Variants in PCDH15 observed in about 807,000 individuals in gnomAD.
PCDH15 encodes protocadherin-15.
Under a neutral mutation model 178.5 loss-of-function variants are expected in PCDH15, and 129 were observed. The observed-to-expected ratio is 0.72, with a 90% confidence interval of 0.63 to 0.84. PCDH15 has a LOEUF of 0.84. PCDH15 is among the 40% of genes least tolerant of loss of function. The pLI is 0.00. For synonymous variants in PCDH15, 800 were observed against 732.0 expected (o/e 1.09, Z -1.50); for missense variants, 2,230 against 2,099.9 (o/e 1.06, Z -1.21).
At chr10:54,491,539 A>C (rs2079594543) in intron 3 of PCDH15, among the ~76,000 whole-genome samples, 2 of 152,150 alleles carry the variant, frequency 1.3e-5, no homozygotes, top group African/African-American at 4.8e-5. Context: ...ATAAGTTCTT[A>C]AGAGGTTAAG....
At chr10:53,968,008 T>C (rs1387447799) in intron 21 of PCDH15, among the ~76,000 whole-genome samples, 1 of 152,120 alleles carries the variant, frequency 6.6e-6, no homozygotes, top group Admixed American at 6.5e-5. Flanking sequence ...TTCATCTCAC[T>C]GGGGCTTGTT....
chr10:54,856,963 T>G (rs886781849), intron 3 of PCDH15, among the ~76,000 whole-genome samples: 2 of 152,294 alleles, frequency 1.3e-5, no homozygotes, highest in South Asian at 4.1e-4. Flanking sequence ...TGTTTTTGTT[T>G]TTTTTACAGT....
Position 55,515,228 on chromosome 10 carries a change from A to G in PCDH15, c.-156+112397T>C, listed in dbSNP as rs192065580. Among the ~76,000 whole-genome samples the G allele has an allele frequency of 2.0e-3, 298 of 152,004 alleles. 1 individual carries two copies. The highest frequency in any genetic ancestry group is 8.0e-3 in the Admixed American group (122 of 15,236). On this transcript the variant is annotated intron_variant, in intron 2 of 5. Transcript: ENST00000613346. ...GGTCTCAAACTCCTGACCTCAAGTG[A>G]TCTGCCTTCCAAAGTGCTAGGATTA...
chr10:53,991,929 G>A (rs1564948649), intron 21 of PCDH15, among the ~76,000 whole-genome samples: 1 of 152,046 alleles, frequency 6.6e-6, no homozygotes, highest in Non-Finnish European at 1.5e-5. Context: ...ATAAAAGCAG[G>A]CTGCCCAAGC....
At chr10:54,264,339 C>T (rs1357056122) in intron 8 of PCDH15, among the ~76,000 whole-genome samples, 1 of 152,124 alleles carries the variant, frequency 6.6e-6, no homozygotes, top group African/African-American at 2.4e-5. Context: ...AGCACAAGAA[C>T]TCTGGCAATA....
intron 9 of PCDH15, among the ~76,000 whole-genome samples, chr10:54,217,120 G>C (rs1362625057): frequency 6.6e-6 from 1 of 152,094 alleles, no homozygotes. Context: ...GGAACACGTG[G>C]AGAGGATAAA....
chr10:54,113,573 C>A (rs2095061767), intron 15 of PCDH15, among the ~76,000 whole-genome samples: 1 of 151,782 alleles, frequency 6.6e-6, no homozygotes, highest in Admixed American at 6.6e-5. Flanking sequence ...CCATAACAGT[C>A]TTTTAAATAA....
At chr10:54,345,354 G>A (rs917171685) in intron 6 of PCDH15, among the ~76,000 whole-genome samples, 5 of 151,880 alleles carry the variant, frequency 3.3e-5, no homozygotes, top group Admixed American at 3.3e-4. Flanking sequence ...TAAAAATAAG[G>A]GCAAAATGTT....
intron 2 of PCDH15, among the ~76,000 whole-genome samples, chr10:54,636,726 A>T (rs1224576402): frequency 6.6e-6 from 1 of 152,002 alleles, no homozygotes; most frequent in Non-Finnish European, 1.5e-5. Flanking sequence ...TTCTAGAGCT[A>T]ATGACTGATA....
At chr10:55,616,881 T>G (rs1405389847) in intron 2 of PCDH15, among the ~76,000 whole-genome samples, 2 of 152,120 alleles carry the variant, frequency 1.3e-5, no homozygotes, top group Non-Finnish European at 2.9e-5. Flanking sequence ...CCTATTAAAG[T>G]GTTATTTAAT....
chr10:54,776,804 A>T (rs919274616), intron 1 of PCDH15, among the ~76,000 whole-genome samples: 3 of 152,156 alleles, frequency 2.0e-5, no homozygotes, highest in African/African-American at 7.2e-5. Context: ...TGATGGGAGT[A>T]TGTGACGTCA....
At chr10:54,530,950 T>C (rs2083847649) in intron 2 of PCDH15, among the ~76,000 whole-genome samples, 1 of 152,208 alleles carries the variant, frequency 6.6e-6, no homozygotes, top group Non-Finnish European at 1.5e-5. Context: ...CACAAAAGCA[T>C]TTTTAATAAG....
intron 26 of PCDH15, among the ~76,000 whole-genome samples, chr10:53,900,887 T>C (rs77689060): frequency 0.017 from 2,593 of 152,270 alleles, 33 homozygotes; most frequent in Non-Finnish European, 0.026. Context: ...TCTCCTTTAT[T>C]AATGGACTAG....
intron 5 of PCDH15, among the ~76,000 whole-genome samples, chr10:54,363,646 T>C (rs1392336296): frequency 1.3e-5 from 2 of 152,152 alleles, no homozygotes; most frequent in East Asian, 1.9e-4. Context: ...TGCTGAGTCA[T>C]AGGGTGTCTG....
At chr10:54,547,619 G>A (rs1202646415) in intron 2 of PCDH15, among the ~76,000 whole-genome samples, 1 of 151,802 alleles carries the variant, frequency 6.6e-6, no homozygotes, top group Non-Finnish European at 1.5e-5. Flanking sequence ...ATACCTTTAG[G>A]GAAATAATGC....
At chr10:55,311,394 G>A (rs945018348) in intron 1 of PCDH15, among the ~76,000 whole-genome samples, 22 of 152,062 alleles carry the variant, frequency 1.4e-4, no homozygotes, top group Non-Finnish European at 2.8e-4. Context: ...CCTCCATAGC[G>A]GTGACTGTGG....
chr10:55,471,756 T>C (rs1839960079), intron 2 of PCDH15, among the ~76,000 whole-genome samples: 1 of 152,198 alleles, frequency 6.6e-6, no homozygotes, highest in Non-Finnish European at 1.5e-5. Flanking sequence ...CAAGGTCTCT[T>C]TGCCCACGCC....
chr10:55,177,258 G>C lies in PCDH15; in HGVS notation c.-155-10607C>G, dbSNP rs139312599. On this transcript the variant is annotated intron_variant, in intron 1 of 5. Coordinates refer to the PCDH15 transcript ENST00000458638. Reference sequence around the variant, plus strand: ...ATGGATACCTGGGTATGATGAGATAGCTCATCCCTTTATCACCTAAAAAAG... The same window carrying C: ...ATGGATACCTGGGTATGATGAGATACCTCATCCCTTTATCACCTAAAAAAG... Among the ~76,000 whole-genome samples the C allele has an allele frequency of 5.3e-5, 8 of 152,282 alleles. No homozygotes were observed. The East Asian group carries it at 1.5e-3, about 29-fold the overall frequency.
Position 55,442,612 on chromosome 10 carries a change from A to G in PCDH15, c.-156+185013T>C, listed in dbSNP as rs1268659928. On this transcript the variant is annotated intron_variant, in intron 2 of 5. Transcript: ENST00000613346. ...GGTGGGGATAGCCTTTGTAGCTATG[A>G]CTCAGAATCAAGTTTCTGAAACTTT... Among the ~76,000 whole-genome samples the G allele has an allele frequency of 2.0e-5, 3 of 150,660 alleles. No homozygotes were observed. In the East Asian group the frequency reaches 5.8e-4, roughly 29 times the overall value.
Sources: gnomAD v4.1 joint callset for allele counts (sites outside exome capture counted in the v4.1 genomes callset) on GRCh38, gnomAD v4.1.1 for gene constraint, MANE v1.5 for transcripts, NCBI Gene and HGNC (gene_info 2026-07-23, HGNC 2026-07-21) for gene names.